EPHB6: variants seen among roughly 807,000 people sequenced by gnomAD.
EPHB6 encodes the protein EPH receptor B6.
Under a neutral mutation model 107.0 loss-of-function variants are expected in EPHB6, and 51 were observed. The observed-to-expected ratio is 0.48, with a 90% confidence interval of 0.38 to 0.60. The LOEUF is 0.60. Among genes scored for constraint, EPHB6 ranks in the 20% least tolerant of loss-of-function variants. The pLI, the probability that EPHB6 is intolerant of heterozygous loss-of-function variation, is 0.00. For missense variants in EPHB6, 1,141 were observed against 1,355.5 expected, an observed-to-expected ratio of 0.84 and a Z score of 2.48; for synonymous variants, 553 against 549.0, an observed-to-expected ratio of 1.01 and a Z score of -0.10.
chr7:142,870,743 A>G lies in EPHB6; in HGVS notation c.2961-53A>G, dbSNP rs1794881517. ...CTCCAGGCCCCTGGCTGGGGGTCGT[A>G]TTGGGGATCTCGGAGAAGCTGGCCC... On this transcript the variant is annotated intron_variant, in intron 19 of 19. Transcript: ENST00000652003. The G allele has an allele frequency of 9.9e-6, 16 of 1,613,958 alleles. No individual in the cohort carries two copies. The South Asian group carries it at 1.3e-4, about 13-fold the overall frequency.
At position 142,870,109 on chromosome 7, in the gene EPHB6, T is replaced by TCCAA. The variant is rs1261636515; in HGVS notation, c.2611-102_2611-99dup. On this transcript the variant is annotated intron_variant, in intron 17 of 19. Coordinates refer to ENST00000652003, the MANE Select transcript of EPHB6 (RefSeq NM_004445.6). Reference sequence around the variant, plus strand: ...CCATATCTTTGAGTTCCTTCTCCACTCCAACCTCATGCTCCACCAGATTCC... The same window carrying TCCAA: ...CCATATCTTTGAGTTCCTTCTCCACTCCAACCAACCTCATGCTCCACCAGATTCC... The TCCAA allele has an allele frequency of 4.4e-6, 7 of 1,583,018 alleles. 1 individual carries two copies. The East Asian group carries it at 1.6e-4, about 35-fold the overall frequency.
At position 142,869,679 on chromosome 7, in the gene EPHB6, C is replaced by A. The variant is rs991121683; in HGVS notation, c.2461-138C>A. 9.1e-6 allele frequency: 9 copies of A among 991,086 alleles called. No homozygotes were observed. The highest frequency in any genetic ancestry group is 1.4e-5 in the Non-Finnish European group (9 of 648,330). 61.4% of individuals were successfully genotyped at this position (991,086 alleles called of 1,614,324 possible). ...TTCTGTGAAATGGAGATGATATCAT[C>A]CACCTTAGAGGGTTGTTATGAGGAT... On this transcript the variant is annotated intron_variant, in intron 16 of 19. Transcript: ENST00000652003. This position sits in a 1 kb window ranked among gnomAD's most constrained non-coding sequence, Gnocchi z 4.5.
intron 3 of EPHB6, 91 bp downstream of exon 3, chr7:142,862,224 A>G (rs1237308035): frequency 2.0e-5 from 3 of 152,170 alleles, no homozygotes; most frequent in Non-Finnish European, 2.9e-5. Context: ...TTCCTCCCAA[A>G]GGCCCCATCT....
Position 142,867,715 on chromosome 7 carries a change from T to G in EPHB6, c.1858T>G (p.Phe620Val). The G allele has an allele frequency of 6.2e-7, 1 of 1,610,900 alleles. No individual in the cohort carries two copies. Among genetic ancestry groups the G allele is most frequent in the Non-Finnish European group, 8.5e-7 (1 of 1,179,244 alleles). The change falls in exon 12 of 20, where the codon TTC (phenylalanine) becomes GTC (valine). Residue 620 changes from phenylalanine (F) to valine (V), a missense_variant. By Grantham distance (50) the Phe-to-Val change is conservative. This residue lies in a region of EPHB6 where 616 missense variants were observed against 759.3 expected (regional missense o/e 0.81). Transcript: ENST00000652003. The surrounding 1 kb of genome is among the most constrained non-coding windows in gnomAD (Gnocchi z 5.3). The stretch of plus-strand genomic sequence containing the variant: ...AGCCATCACCGTGCTGGCGGTCGTC[T>G]TCCAGCGGTGAGTCCCCACCCCTGC... ...LAAITVLAVV[F>V]QRKRRGTGYT...
chr7:142,863,364 C>T (rs747332951), intron 5 of EPHB6, 37 bp downstream of exon 5: 2 of 1,582,590 alleles, frequency 1.3e-6, no homozygotes, highest in East Asian at 4.5e-5. Flanking sequence ...CCAGACCTGC[C>T]ATAGAGACCC....
chr7:142,868,973 G>T lies in EPHB6; in HGVS notation c.2287-1G>T, dbSNP rs561800720. ...CTCTGCCCCCTGCCCCTTCCCCTCA[G>T]CAGCGGGAGGGCCAGTTCAGCAGCC... On this transcript the variant is annotated splice_acceptor_variant, in intron 15 of 19. Transcript: ENST00000652003. LOFTEE classifies it high-confidence loss of function. The surrounding 1 kb of genome is among the most constrained non-coding windows in gnomAD (Gnocchi z 4.2). 8.7e-6 allele frequency: 14 copies of T among 1,607,776 alleles called. No individual in the cohort carries two copies. The East Asian group carries it at 2.2e-4, about 26-fold the overall frequency.
At chr7:142,863,825 A>C in intron 6 of EPHB6, 130 bp downstream of exon 6, 1 of 1,490,398 alleles carries the variant, frequency 6.7e-7, no homozygotes, top group Non-Finnish European at 9.4e-7. Flanking sequence ...TAGAGCACCA[A>C]GATTTCAAGG....
At position 142,864,336 on chromosome 7, in the gene EPHB6, C is replaced by T. The variant is rs141491735; in HGVS notation, c.536C>T (p.Ala179Val). The part of the protein sequence containing the change: ...SSSSSSSSSA[A>V]WAVGPHGAGQ... ...TCCTCCTCCTCTTCTTCCTCTGCAG[C>T]GTGGGCTGTGGGACCCCACGGGGCT... Residue 179 changes from alanine (A) to valine (V), a missense_variant, in exon 7 of 20, where the codon GCG becomes GTG. Ala to Val is a moderately conservative substitution (Grantham distance 64). Transcript: ENST00000652003. 2.5e-4 allele frequency: 403 copies of T among 1,613,374 alleles called. 1 individual carries two copies. The African/African-American group carries it at 4.5e-3, about 18-fold the overall frequency.
In EPHB6 at chr7:142,863,284, C is replaced by T; in HGVS notation, c.57C>T (p.Ser19=). 1.2e-6 allele frequency: 2 copies of T among 1,613,128 alleles called. No individual in the cohort carries two copies. The highest frequency in any genetic ancestry group is 1.7e-6 in the Non-Finnish European group (2 of 1,179,886). Residue 19 remains serine, a synonymous_variant, in exon 5 of 20, where the codon AGC becomes AGT. Transcript: ENST00000652003. ...ACAGAGTGGCGGGCATGGTGTGTAG[C>T]CTATGGGTGCTGCTCCTGGTGTCTT... ...LGNRVAGMVC[S]LWVLLLVSSV... is the part of the protein sequence containing the mutation.
Position 142,866,335 on chromosome 7 carries a change from C to G in EPHB6, c.1462+19C>G, listed in dbSNP as rs569305006. 411 of 1,613,412 alleles carry G rather than the reference C, an allele frequency of 2.5e-4. 7 individuals are homozygous for G. The South Asian group carries it at 3.9e-3, about 15-fold the overall frequency. ...CATGAAGGTGAGCTCTTTTCCTTGG[C>G]CTTCAGGATCCCCTGCCTCCGCTCC... On this transcript the variant is annotated intron_variant, in intron 9 of 19. Transcript: ENST00000652003. The surrounding 1 kb of genome is among the most constrained non-coding windows in gnomAD (Gnocchi z 5.2).
At position 142,870,272 on chromosome 7, in the gene EPHB6, G is replaced by A; in HGVS notation, c.2669G>A (p.Gly890Glu). Reference sequence around the variant, plus strand: ...CCCCCGCCTCCAGGCTGTCCTCCTGGATTACATCTACTTATGTTGGACACT... The same window carrying A: ...CCCCCGCCTCCAGGCTGTCCTCCTGAATTACATCTACTTATGTTGGACACT... ...RLPPPPGCPP[G>E]LHLLMLDTWQ... The change falls in exon 18 of 20, where the codon GGA (glycine) becomes GAA (glutamate). Residue 890 changes from glycine (G) to glutamate (E), a missense_variant. Coordinates refer to ENST00000652003, the MANE Select transcript of EPHB6 (RefSeq NM_004445.6). 6.2e-7 allele frequency: 1 copy of A among 1,614,224 alleles called. No individual in the cohort carries two copies. The highest frequency in any genetic ancestry group is 1.1e-5 in the South Asian group (1 of 91,090).
At position 142,867,862 on chromosome 7, in the gene EPHB6, C is replaced by T. The variant is rs376527759; in HGVS notation, c.1866-135C>T. On this transcript the variant is annotated intron_variant, in intron 12 of 19. Coordinates refer to ENST00000652003, the MANE Select transcript of EPHB6 (RefSeq NM_004445.6). This position sits in a 1 kb window ranked among gnomAD's most constrained non-coding sequence, Gnocchi z 5.3. ...CAGCCAGCCCCTGCCCTGGGCCCCA[C>T]GTGGAGATGGGCAGGAGGGCCAGGC... The T allele has an allele frequency of 1.2e-5, 18 of 1,449,716 alleles. No homozygotes were observed. The highest frequency in any genetic ancestry group is 1.2e-4 in the East Asian group (5 of 40,420). The allele number at this position is 1,449,716 out of a possible 1,614,324, so 89.8% of individuals were successfully genotyped here.
chr7:142,859,551 T>C (rs995114966), intron 1 of EPHB6, among the ~76,000 whole-genome samples: 1 of 152,224 alleles, frequency 6.6e-6, no homozygotes, highest in African/African-American at 2.4e-5. Flanking sequence ...TATATTAAAA[T>C]TAAAAGTCTT....
Position 142,867,879 on chromosome 7 carries a change from G to A in EPHB6, c.1866-118G>A, listed in dbSNP as rs1458370590. On this transcript the variant is annotated intron_variant, in intron 12 of 19. Transcript: ENST00000652003. This position sits in a 1 kb window ranked among gnomAD's most constrained non-coding sequence, Gnocchi z 5.3. Reference sequence around the variant, plus strand: ...GGGCCCCACGTGGAGATGGGCAGGAGGGCCAGGCTGTCGTCCCCCCTCCAC... The same window carrying A: ...GGGCCCCACGTGGAGATGGGCAGGAAGGCCAGGCTGTCGTCCCCCCTCCAC... The A allele has an allele frequency of 4.0e-6, 6 of 1,488,142 alleles. No individual in the cohort carries two copies. The highest frequency in any genetic ancestry group is 5.5e-6 in the Non-Finnish European group (6 of 1,092,096). The allele number at this position is 1,488,142 out of a possible 1,614,324, so 92.2% of individuals were successfully genotyped here. A position where few individuals can be genotyped will look rare whatever the true frequency, so the allele number is the denominator to read the frequency against.
Position 142,863,971 on chromosome 7 carries a change from C to T in EPHB6, c.171C>T (p.Asp57=), listed in dbSNP as rs780410425. 96 of 1,614,112 alleles carry T rather than the reference C, an allele frequency of 5.9e-5. 1 individual carries two copies. The highest frequency in any genetic ancestry group is 2.5e-4 in the Admixed American group (15 of 60,014). Residue 57 remains aspartate, a synonymous_variant, in exon 7 of 20, where the codon GAC becomes GAT. Transcript: ENST00000652003. ...TCTCCTGGCCCTTCCTGCAGTGGGA[C>T]GAGGTGAGTGTTCTGGACGACCAGC... ...GWLTYPPGGW[D]EVSVLDDQRR...
In EPHB6 at chr7:142,863,335, G is replaced by A; in HGVS notation, c.100+8G>A. The stretch of plus-strand genomic sequence containing the variant: ...CAGTTCTGGCTCTGGAAGGTAAGAG[G>A]GAGGGGAGACAGGAGAACCCAGACC... On this transcript the variant is annotated splice_region_variant and intron_variant, in intron 5 of 19. Coordinates refer to ENST00000652003, the MANE Select transcript of EPHB6 (RefSeq NM_004445.6). The A allele has an allele frequency of 6.2e-7, 1 of 1,613,636 alleles. No individual in the cohort carries two copies. Among genetic ancestry groups the A allele is most frequent in the Non-Finnish European group, 8.5e-7 (1 of 1,179,614 alleles).
Position 142,869,766 on chromosome 7 carries a change from A to T in EPHB6, c.2461-51A>T. ...TGAGCACATAGTAGTTGCTCAATAA[A>T]CGTGACTATTACTATGATTATTACT... On this transcript the variant is annotated intron_variant, in intron 16 of 19. Coordinates refer to ENST00000652003, the MANE Select transcript of EPHB6 (RefSeq NM_004445.6). The surrounding 1 kb of genome is among the most constrained non-coding windows in gnomAD (Gnocchi z 4.5). 6.2e-7 allele frequency: 1 copy of T among 1,607,950 alleles called. No homozygotes were observed. Among genetic ancestry groups the T allele is most frequent in the Non-Finnish European group, 8.5e-7 (1 of 1,176,030 alleles).
chr7:142,861,220 T>G (rs1802825962), intron 2 of EPHB6, 34 bp downstream of exon 2: 1 of 152,180 alleles, frequency 6.6e-6, no homozygotes, highest in South Asian at 2.1e-4. Flanking sequence ...GCTCGTGAGC[T>G]TAGTGGTGTA....
chr7:142,868,259 A>C lies in EPHB6; in HGVS notation c.1937A>C (p.Tyr646Ser), dbSNP rs369129111. 6.2e-7 allele frequency: 1 copy of C among 1,614,044 alleles called. No individual in the cohort carries two copies. The highest frequency in any genetic ancestry group is 1.3e-5 in the African/African-American group (1 of 74,904). ...CCTCCAGGACTCGGGGTGAAGTATTACATCGACCCCTCCACCTACGAGGAC... is the reference window on the plus strand; with the variant it reads ...CCTCCAGGACTCGGGGTGAAGTATTCCATCGACCCCTCCACCTACGAGGAC... ...YSSPGLGVKY[Y>S]IDPSTYEDPC... Residue 646 changes from tyrosine (Y) to serine (S), a missense_variant, in exon 14 of 20, where the codon TAC becomes TCC. By Grantham distance (144) the Tyr-to-Ser change is moderately radical (BLOSUM62 -2). Coordinates refer to ENST00000652003, the MANE Select transcript of EPHB6 (RefSeq NM_004445.6). This position sits in a 1 kb window ranked among gnomAD's most constrained non-coding sequence, Gnocchi z 4.2.
Sources: allele counts gnomAD v4.1 joint callset (sites outside exome capture counted in the v4.1 genomes callset), GRCh38; gene constraint gnomAD v4.1.1; regional missense constraint gnomAD v4.1.1; non-coding constraint Gnocchi (gnomAD v3.1); transcripts MANE v1.5; gene names NCBI Gene and HGNC (gene_info 2026-07-23, HGNC 2026-07-21).